Variants in PPP1R10 observed in about 807,000 individuals in gnomAD.
PPP1R10 encodes serine/threonine-protein phosphatase 1 regulatory subunit 10.
PPP1R10 carries 15 observed loss-of-function variants against 99.0 expected under a neutral mutation model. The observed-to-expected ratio is 0.15, with a 90% CI of 0.10 to 0.23. PPP1R10 has a LOEUF of 0.23. Among genes scored for constraint, PPP1R10 ranks in the 10% least tolerant of loss-of-function variants. The probability of loss-of-function intolerance (pLI) is 1.00; values close to 1 mark genes in which losing one functional copy is unlikely to be tolerated. For missense variants in PPP1R10, 947 were observed against 1,259.4 expected (o/e 0.75, Z 3.75); for synonymous variants, 430 against 449.5 (o/e 0.96, Z 0.55).
In PPP1R10 at chr6:30,604,324, C is replaced by CA. The variant is rs1561833957; in HGVS notation, c.1261+28dup. 5 of 1,613,928 alleles carry CA rather than the reference C, an allele frequency of 3.1e-6. No individual in the cohort carries two copies. In the Admixed American group the frequency reaches 8.3e-5, roughly 27 times the overall value. ...AAGTCCTTTCAAAATCCCTTAAACA[C>CA]ACCTATTACGTAGGAAATGACCTCT... On this transcript the variant is annotated intron_variant, in intron 13 of 19. Coordinates refer to ENST00000376511, the MANE Select transcript of PPP1R10 (RefSeq NM_002714.4). This position sits in a 1 kb window ranked among gnomAD's most constrained non-coding sequence, Gnocchi z 7.3.
rs558744494 is a variant in PPP1R10 at position 30,608,640 on chromosome 6, T to G, written c.330+139A>C. ...AAAGGAGATAAATTCAAACCAAGTCTTCTTCTTCTAAATTCCTATTTTTTT... is the reference window on the plus strand; with the variant it reads ...AAAGGAGATAAATTCAAACCAAGTCGTCTTCTTCTAAATTCCTATTTTTTT... On this transcript the variant is annotated intron_variant, in intron 5 of 19. Coordinates refer to ENST00000376511, the MANE Select transcript of PPP1R10 (RefSeq NM_002714.4). 2.1e-4 allele frequency: 245 copies of G among 1,141,888 alleles called. 2 individuals are homozygous for G. In the South Asian group the frequency reaches 2.5e-3, roughly 12 times the overall value. The allele number at this position is 1,141,888 out of a possible 1,614,324, so 70.7% of individuals were successfully genotyped here.
chr6:30,604,555 A>T lies in PPP1R10; in HGVS notation c.1102+33T>A. 6.2e-7 allele frequency: 1 copy of T among 1,612,642 alleles called. No homozygotes were observed. The highest frequency in any genetic ancestry group is 8.5e-7 in the Non-Finnish European group (1 of 1,179,838). On this transcript the variant is annotated intron_variant, in intron 12 of 19. Coordinates refer to ENST00000376511, the MANE Select transcript of PPP1R10 (RefSeq NM_002714.4). The surrounding 1 kb of genome is among the most constrained non-coding windows in gnomAD (Gnocchi z 7.3). Reference sequence around the variant, plus strand: ...TCAGACCCAGATCCCTCCTTTCAGAAAACCCCCCAAACTGAACCAGTTTCT... The same window carrying T: ...TCAGACCCAGATCCCTCCTTTCAGATAACCCCCCAAACTGAACCAGTTTCT...
At chr6:30,608,466 T>C (rs1804199200) in intron 5 of PPP1R10, among the ~76,000 whole-genome samples, 1 of 152,098 alleles carries the variant, frequency 6.6e-6, no homozygotes, top group Non-Finnish European at 1.5e-5. Context: ...CATGCCTGGC[T>C]AATTTTTTGT....
chr6:30,602,257 G>A lies in PPP1R10; in HGVS notation c.2392C>T (p.Arg798Cys), dbSNP rs1340212530. ...CCACCGCCAGGGCCTTCGTGGGGAC[G>A]ATGTCCTCCACCCCCACCCATGCTA... is the stretch of plus-strand genomic sequence containing the variant. Reference protein sequence around the residue: ...GGSMGGGGGHRPHEGPGGGIS... With the variant: ...GGSMGGGGGHCPHEGPGGGIS... Residue 798 changes from arginine (R) to cysteine (C), a missense_variant, in exon 19 of 20, where the codon CGT becomes TGT. Transcript: ENST00000376511. This position sits in a 1 kb window ranked among gnomAD's most constrained non-coding sequence, Gnocchi z 6.7. The A allele has an allele frequency of 5.6e-6, 9 of 1,611,960 alleles. No homozygotes were observed. Among genetic ancestry groups the A allele is most frequent in the Admixed American group, 3.3e-5 (2 of 59,974 alleles).
In PPP1R10 at chr6:30,604,335, T is replaced by C; in HGVS notation, c.1261+18A>G. ...AAATCCCTTAAACACACCTATTACG[T>C]AGGAAATGACCTCTTACCTCGTTCA... On this transcript the variant is annotated intron_variant, in intron 13 of 19. Transcript: ENST00000376511. This position sits in a 1 kb window ranked among gnomAD's most constrained non-coding sequence, Gnocchi z 7.3. 1.2e-6 allele frequency: 2 copies of C among 1,614,110 alleles called. No homozygotes were observed. The highest frequency in any genetic ancestry group is 1.7e-5 in the Admixed American group (1 of 60,018).
chr6:30,604,921 C>T lies in PPP1R10; in HGVS notation c.954+73G>A. On this transcript the variant is annotated intron_variant, in intron 11 of 19. Coordinates refer to ENST00000376511, the MANE Select transcript of PPP1R10 (RefSeq NM_002714.4). This position sits in a 1 kb window ranked among gnomAD's most constrained non-coding sequence, Gnocchi z 7.3. ...CTCTTGTTGTCCTCCCCGACAACTC[C>T]TAGCTGCTGTGCCCTTTCTTCTACT... 1 of 1,546,392 alleles carries T rather than the reference C, an allele frequency of 6.5e-7. No individual in the cohort carries two copies. Among genetic ancestry groups the T allele is most frequent in the Non-Finnish European group, 8.9e-7 (1 of 1,120,532 alleles).
At chr6:30,613,984 A>C (rs1309852423) in intron 2 of PPP1R10, among the ~76,000 whole-genome samples, 1 of 152,210 alleles carries the variant, frequency 6.6e-6, no homozygotes, top group Admixed American at 6.5e-5. Flanking sequence ...AGTTAGCCCT[A>C]AGTCTCACCC....
At chr6:30,616,090 C>A (rs1367660994) in intron 2 of PPP1R10, among the ~76,000 whole-genome samples, 2 of 152,232 alleles carry the variant, frequency 1.3e-5, no homozygotes, top group Non-Finnish European at 2.9e-5. Context: ...TCCACCATCT[C>A]TTGTATGTGA....
Position 30,604,173 on chromosome 6 carries a change from C to T in PPP1R10, c.1343G>A (p.Arg448Gln), listed in dbSNP as rs767544705. ...CTCCATGTTATCATGGCTCAGACGC[C>T]GCGCTGTCTCAAATGCATGTCGGTC... ...LSDRHAFETA[R>Q]RLSHDNMEEK... is the part of the protein sequence containing the mutation. Residue 448 changes from arginine (R) to glutamine (Q), a missense_variant, in exon 14 of 20, where the codon CGG becomes CAG. Physicochemically the swap from Arg to Gln is conservative, Grantham distance 43. Transcript: ENST00000376511. The surrounding 1 kb of genome is among the most constrained non-coding windows in gnomAD (Gnocchi z 7.3). 2.5e-6 allele frequency: 4 copies of T among 1,614,156 alleles called. No homozygotes were observed. The highest frequency in any genetic ancestry group is 3.4e-6 in the Non-Finnish European group (4 of 1,180,032).
intron 2 of PPP1R10, among the ~76,000 whole-genome samples, chr6:30,613,014 G>T (rs956629453): frequency 1.3e-5 from 2 of 152,172 alleles, no homozygotes; most frequent in African/African-American, 4.8e-5. Context: ...AGAAGGTGGG[G>T]AGTGAGGTAG....
chr6:30,602,523 C>A lies in PPP1R10; in HGVS notation c.2126G>T (p.Gly709Val). ...AGGAGGAGGTTCGTTTCCTCCTCGGCCACCTCGGCCTCTATGGTATGGTCC... is the reference window on the plus strand; with the variant it reads ...AGGAGGAGGTTCGTTTCCTCCTCGGACACCTCGGCCTCTATGGTATGGTCC... ...GPGPYHRGRGGRGGNEPPPPP... is the reference protein window; with the variant it reads ...GPGPYHRGRGVRGGNEPPPPP... The change falls in exon 19 of 20, where the codon GGC (glycine) becomes GTC (valine). Residue 709 changes from glycine to valine, a missense_variant. Around this residue, in one of 10 missense-constraint regions of PPP1R10, gnomAD observed 525 missense variants for 578.8 expected, o/e 0.91. Coordinates refer to ENST00000376511, the MANE Select transcript of PPP1R10 (RefSeq NM_002714.4). This position sits in a 1 kb window ranked among gnomAD's most constrained non-coding sequence, Gnocchi z 6.7. 2 of 1,570,272 alleles carry A rather than the reference C, an allele frequency of 1.3e-6. No homozygotes were observed. The highest frequency in any genetic ancestry group is 1.7e-6 in the Non-Finnish European group (2 of 1,156,866).
chr6:30,611,088 T>G (rs1804505303), intron 2 of PPP1R10, among the ~76,000 whole-genome samples: 1 of 152,174 alleles, frequency 6.6e-6, no homozygotes, highest in Non-Finnish European at 1.5e-5. Flanking sequence ...GTGGGCAGAT[T>G]CCTTGAGCGC....
rs1033782809 is a variant in PPP1R10 at position 30,603,619 on chromosome 6, C to T, written c.1620G>A (p.Gly540=). 6.2e-7 allele frequency: 1 copy of T among 1,613,426 alleles called. No homozygotes were observed. Among genetic ancestry groups the T allele is most frequent in the East Asian group, 2.2e-5 (1 of 44,854 alleles). ...CCCCATCAGGTGAGCCACCTGACCCCCCAGGTTCCAGAGTCTCAACATACG... is the reference window on the plus strand; with the variant it reads ...CCCCATCAGGTGAGCCACCTGACCCTCCAGGTTCCAGAGTCTCAACATACG... ...ETPYVETLEP[G]GSGGSPDGAG... Residue 540 remains glycine, a synonymous_variant, in exon 16 of 20, where the codon GGG becomes GGA. Coordinates refer to ENST00000376511, the MANE Select transcript of PPP1R10 (RefSeq NM_002714.4).
Position 30,603,583 on chromosome 6 carries a change from GGAGCCTCCTGCCCCATCAGGT to G in PPP1R10, c.1635_1655del (p.Pro546_Ser552del). 3 of 1,614,034 alleles carry G rather than the reference GGAGCCTCCTGCCCCATCAGGT, an allele frequency of 1.9e-6. No individual in the cohort carries two copies. The highest frequency in any genetic ancestry group is 1.6e-4 in the Middle Eastern group (1 of 6,062). ...GATTGGCCAGAACTGGAGGCAACTTGGAGCCTCCTGCCCCATCAGGTGAGCCACCTGACCCCCCAGGTTCCA... is the reference window on the plus strand; with the variant it reads ...GATTGGCCAGAACTGGAGGCAACTTGGAGCCACCTGACCCCCCAGGTTCCA... On this transcript the variant is annotated inframe_deletion, in exon 16 of 20. Coordinates refer to ENST00000376511, the MANE Select transcript of PPP1R10 (RefSeq NM_002714.4).
chr6:30,614,975 G>A (rs981866387), intron 2 of PPP1R10, among the ~76,000 whole-genome samples: 2 of 152,194 alleles, frequency 1.3e-5, no homozygotes, highest in African/African-American at 2.4e-5. Flanking sequence ...CACAGGCAGT[G>A]CAAAAGCATC....
chr6:30,606,433 C>T lies in PPP1R10; in HGVS notation c.634+35G>A. ...CATAAGGCTCTGGGTGTGCACATGC[C>T]CATGAACCCTCCAGAGGCCAGCCGC... On this transcript the variant is annotated intron_variant, in intron 8 of 19. Coordinates refer to ENST00000376511, the MANE Select transcript of PPP1R10 (RefSeq NM_002714.4). The surrounding 1 kb of genome is among the most constrained non-coding windows in gnomAD (Gnocchi z 6.3). The T allele has an allele frequency of 6.2e-7, 1 of 1,610,256 alleles. No individual in the cohort carries two copies. Among genetic ancestry groups the T allele is most frequent in the Non-Finnish European group, 8.5e-7 (1 of 1,178,544 alleles).
At chr6:30,607,330 A>G (rs920913793) in intron 6 of PPP1R10, among the ~76,000 whole-genome samples, 14 of 152,204 alleles carry the variant, frequency 9.2e-5, no homozygotes, top group African/African-American at 3.4e-4. Context: ...CAATCTGAAG[A>G]CTTTTTATTT....
chr6:30,601,834 C>A, intron 19 of PPP1R10, 102 bp downstream of exon 19: 1 of 1,407,870 alleles, frequency 7.1e-7, no homozygotes, highest in Non-Finnish European at 9.4e-7. Context: ...AGACGGGTAC[C>A]TCACGTTCTG....
Position 30,602,867 on chromosome 6 carries a change from C to A in PPP1R10, c.1936G>T (p.Gly646Ter). 6.4e-7 allele frequency: 1 copy of A among 1,555,632 alleles called. No individual in the cohort carries two copies. Among genetic ancestry groups the A allele is most frequent in the East Asian group, 2.4e-5 (1 of 41,292 alleles). Residue 646 changes from glycine (G) to a stop codon, truncating the protein, a stop_gained, in exon 18 of 20, where the codon GGA (glycine) becomes TGA (stop). Transcript: ENST00000376511. LOFTEE classifies it high-confidence loss of function. This position sits in a 1 kb window ranked among gnomAD's most constrained non-coding sequence, Gnocchi z 6.7. ...GPKGMQHFPP[G>*]PGGPMPGPHG... ...CTACCTGGCATAGGTCCCCCAGGTC[C>A]AGGGGGAAAGTGCTGCATGCCCTTG... is the stretch of plus-strand genomic sequence containing the variant.
Sources: gnomAD v4.1 joint callset for allele counts (sites outside exome capture counted in the v4.1 genomes callset) on GRCh38, gnomAD v4.1.1 for gene constraint, gnomAD v4.1.1 regional missense constraint, Gnocchi (gnomAD v3.1) non-coding constraint, MANE v1.5 for transcripts, NCBI Gene and HGNC (gene_info 2026-07-23, HGNC 2026-07-21) for gene names.